Variants in PYROXD1 observed in about 807,000 individuals in gnomAD.
PYROXD1 encodes the protein pyridine nucleotide-disulphide oxidoreductase domain 1.
In PYROXD1, 42 loss-of-function variants were observed where a neutral mutation model predicts 62.0. The ratio of observed to expected loss-of-function variants is 0.68; its 90% CI spans 0.53 to 0.88. The LOEUF is 0.88. Ranked by LOEUF, PYROXD1 falls within the 40% of genes least tolerant of loss-of-function variation. The pLI is 0.00. For missense variants in PYROXD1, 493 were observed against 604.8 expected (o/e 0.82, Z 1.94); for synonymous variants, 170 against 206.4 (o/e 0.82, Z 1.51).
chr12:21,445,000 TCTG>T (rs1256020778), intron 2 of PYROXD1, among the ~76,000 whole-genome samples: 3 of 152,232 alleles, frequency 2.0e-5, no homozygotes, highest in South Asian at 2.1e-4. Context: ...GACCATAAGG[TCTG>T]CTAGTAAATA....
rs541443296 is a variant in PYROXD1, at chr12:21,440,457, C to T, written c.165+9C>T. The T allele has an allele frequency of 1.7e-5, 25 of 1,462,850 alleles. No individual in the cohort carries two copies. The highest frequency in any genetic ancestry group is 2.3e-5 in the Non-Finnish European group (24 of 1,059,766). 90.6% of individuals were successfully genotyped at this position (1,462,850 alleles called of 1,614,324 possible). Reference sequence around the variant, plus strand: ...TTACAAATTTCAAGCAGGTAAGAACCTTTGTATAACTTGTTAATATTAATT... The same window carrying T: ...TTACAAATTTCAAGCAGGTAAGAACTTTTGTATAACTTGTTAATATTAATT... On this transcript the variant is annotated intron_variant, in intron 2 of 11. Transcript: ENST00000240651.
chr12:21,467,559 A>C lies in PYROXD1; in HGVS notation c.1195A>C (p.Ile399Leu). ...CMAAASSGDS[I>L]DMDFSFELFA... ...GGCTGCAGCGAGTTCAGGAGACTCT[A>C]TTGACATGGATTTCAGCTTTGAACT... Residue 399 changes from isoleucine (I) to leucine (L), a missense_variant, in exon 11 of 12, where the codon ATT becomes CTT. Around this residue, in one of 2 missense-constraint regions of PYROXD1, gnomAD observed 329 missense variants for 446.6 expected, o/e 0.74. Coordinates refer to ENST00000240651, the MANE Select transcript of PYROXD1 (RefSeq NM_024854.5). 6.2e-7 allele frequency: 1 copy of C among 1,612,426 alleles called. No homozygotes were observed. Among genetic ancestry groups the C allele is most frequent in the Non-Finnish European group, 8.5e-7 (1 of 1,179,024 alleles).
rs577279557 is a variant in PYROXD1 at position 21,451,202 on chromosome 12, A to G, written c.415-879A>G. Among the ~76,000 whole-genome samples the G allele has an allele frequency of 3.3e-5, 5 of 150,476 alleles. No homozygotes were observed. In the South Asian group the frequency reaches 1.0e-3, roughly 32 times the overall value. ...CTATTCTATACTTCTGAAAGTGCCC[A>G]AAGAATTACCACTGGCTTCTCTCTC... On this transcript the variant is annotated intron_variant, in intron 4 of 11. Coordinates refer to ENST00000240651, the MANE Select transcript of PYROXD1 (RefSeq NM_024854.5).
At position 21,437,793 on chromosome 12, in the gene PYROXD1, G is replaced by A. The variant is rs757345717; in HGVS notation, c.63G>A (p.Ala21=). 1.2e-6 allele frequency: 2 copies of A among 1,612,622 alleles called. No homozygotes were observed. The highest frequency in any genetic ancestry group is 1.7e-6 in the Non-Finnish European group (2 of 1,179,666). Residue 21 remains alanine, a synonymous_variant, in exon 1 of 12, where the codon GCG becomes GCA. Coordinates refer to ENST00000240651, the MANE Select transcript of PYROXD1 (RefSeq NM_024854.5). ...TCGTGGTGGTCGGCGGCGGCATCGC[G>A]GGCGTCACTTGTGCGGAGCAGGTAG... is the stretch of plus-strand genomic sequence containing the variant. ...GKFVVVGGGI[A]GVTCAEQLAT... is the part of the protein sequence containing the mutation.
intron 4 of PYROXD1, among the ~76,000 whole-genome samples, chr12:21,450,758 ATCT>A (rs1373452923): frequency 1.3e-5 from 2 of 152,212 alleles, no homozygotes; most frequent in Non-Finnish European, 2.9e-5. Flanking sequence ...GAACTTGATT[ATCT>A]TCTTATAAAC....
intron 3 of PYROXD1, among the ~76,000 whole-genome samples, chr12:21,449,343 A>G (rs1269689863): frequency 7.1e-6 from 1 of 140,994 alleles, no homozygotes; most frequent in African/African-American, 2.7e-5. Context: ...AGATCTCAAA[A>G]TGGTTCATGA....
In PYROXD1 at chr12:21,449,605, CTCTG is replaced by C. The variant is rs765752811; in HGVS notation, c.334_337del (p.Leu112ValfsTer8). On this transcript the variant is annotated frameshift_variant, in exon 4 of 12. Transcript: ENST00000240651. LOFTEE classifies it high-confidence loss of function. ...TGGCAATCAGCACGTATATAAGAAACTCTGTCTGTGTGCTGGAGCTAAACCAAAG... is the reference window on the plus strand; with the variant it reads ...TGGCAATCAGCACGTATATAAGAAACTCTGTGTGCTGGAGCTAAACCAAAG... 8.7e-6 allele frequency: 14 copies of C among 1,613,150 alleles called. No homozygotes were observed. The highest frequency in any genetic ancestry group is 4.0e-5 in the African/African-American group (3 of 75,008).
chr12:21,454,853 T>C, intron 5 of PYROXD1: 1 of 208,306 alleles, frequency 4.8e-6, no homozygotes, highest in Non-Finnish European at 9.5e-6. Context: ...GAACATTTTC[T>C]AATGATGTAC....
At position 21,456,101 on chromosome 12, in the gene PYROXD1, T is replaced by C; in HGVS notation, c.750+6T>C. ...ATCTTAAAGGAACAAAAGAGGTATC[T>C]TTTCATATACTAATTGGTCATGTCT... On this transcript the variant is annotated splice_donor_region_variant and intron_variant, in intron 7 of 11. Coordinates refer to ENST00000240651, the MANE Select transcript of PYROXD1 (RefSeq NM_024854.5). 6.6e-7 allele frequency: 1 copy of C among 1,526,184 alleles called. No homozygotes were observed. Among genetic ancestry groups the C allele is most frequent in the African/African-American group, 1.4e-5 (1 of 72,676 alleles). The allele number at this position is 1,526,184 out of a possible 1,614,324, so 94.5% of individuals were successfully genotyped here. A position where few individuals can be genotyped will look rare whatever the true frequency, so the allele number is the denominator to read the frequency against.
chr12:21,447,981 T>TA (rs34838731), intron 3 of PYROXD1: 91,554 of 273,482 alleles, frequency 0.33, 10,831 homozygotes, highest in African/African-American at 0.37. Context: ...AGACTCCATC[T>TA]AAAAAAAAAA....
intron 2 of PYROXD1, among the ~76,000 whole-genome samples, chr12:21,441,554 T>C (rs73071777): frequency 0.016 from 2,364 of 152,302 alleles, 24 homozygotes; most frequent in Middle Eastern, 0.051. Flanking sequence ...TCAGTTCTCT[T>C]GTTGACATAG....
At chr12:21,465,908 A>G (rs927345885) in intron 10 of PYROXD1, among the ~76,000 whole-genome samples, 1 of 152,120 alleles carries the variant, frequency 6.6e-6, no homozygotes, top group Non-Finnish European at 1.5e-5. Flanking sequence ...TCCCAGCACC[A>G]TTTATTAAAT....
intron 7 of PYROXD1, chr12:21,456,984 G>T: frequency 5.1e-6 from 2 of 394,342 alleles, no homozygotes; most frequent in Non-Finnish European, 5.0e-6. Context: ...CAGCAATGTA[G>T]TCTCATCTTC....
At chr12:21,459,233 A>G (rs1267083235) in intron 7 of PYROXD1, among the ~76,000 whole-genome samples, 1 of 152,032 alleles carries the variant, frequency 6.6e-6, no homozygotes, top group Non-Finnish European at 1.5e-5. Context: ...GGTTAAGCCA[A>G]TCACTAGCAG....
chr12:21,459,111 G>A (rs1485746725), intron 7 of PYROXD1, among the ~76,000 whole-genome samples: 2 of 152,152 alleles, frequency 1.3e-5, no homozygotes, highest in African/African-American at 4.8e-5. Flanking sequence ...GTATGCTAAC[G>A]AGTTGACTGG....
At chr12:21,459,393 T>C (rs1297580291) in intron 7 of PYROXD1, among the ~76,000 whole-genome samples, 2 of 152,248 alleles carry the variant, frequency 1.3e-5, no homozygotes, top group African/African-American at 2.4e-5. Flanking sequence ...CCCCTTCTTA[T>C]ATGCTTTGCC....
At chr12:21,454,187 CTATGT>C (rs1487863435) in intron 5 of PYROXD1, among the ~76,000 whole-genome samples, 2 of 151,904 alleles carry the variant, frequency 1.3e-5, no homozygotes, top group Non-Finnish European at 2.9e-5. Context: ...GTCGTGTAAC[CTATGT>C]TATATCAGTC....
rs1441894396 is a variant in PYROXD1 at position 21,460,647 on chromosome 12, TCCTGACCTCAGGTGATCCA to T, written c.751-373_751-355del. 7.2e-5 allele frequency among the ~76,000 whole-genome samples: 11 copies of T among 152,284 alleles called. No individual in the cohort carries two copies. The South Asian group carries it at 2.3e-3, about 32-fold the overall frequency. On this transcript the variant is annotated intron_variant, in intron 7 of 11. Coordinates refer to ENST00000240651, the MANE Select transcript of PYROXD1 (RefSeq NM_024854.5). Reference sequence around the variant, plus strand: ...CATATAGGCCAGGCTAGTCTTGAACTCCTGACCTCAGGTGATCCACCTGCGCCTCGGCCTCCCAGAGTGC... The same window carrying T: ...CATATAGGCCAGGCTAGTCTTGAACTCCTGCGCCTCGGCCTCCCAGAGTGC...
intron 7 of PYROXD1, chr12:21,456,765 A>C (rs1942605034): frequency 2.6e-6 from 1 of 387,474 alleles, no homozygotes; most frequent in South Asian, 1.9e-5. Context: ...GTTTTATAGC[A>C]TTTTGCCCAG....
Sources: allele counts gnomAD v4.1 joint callset (sites outside exome capture counted in the v4.1 genomes callset), GRCh38; gene constraint gnomAD v4.1.1; regional missense constraint gnomAD v4.1.1; transcripts MANE v1.5; gene names NCBI Gene and HGNC (gene_info 2026-07-23, HGNC 2026-07-21).